The following WWP1 variants were observed in gnomAD, a reference collection of about 807,000 sequenced individuals.
WWP1 encodes NEDD4-like E3 ubiquitin-protein ligase WWP1.
WWP1 carries 49 observed loss-of-function variants against 130.6 expected under a neutral mutation model. The observed-to-expected ratio is 0.38, with a 90% CI of 0.30 to 0.48. The LOEUF (loss-of-function observed/expected upper bound fraction) is 0.48, where lower values mean the gene tolerates loss of function less well. Ranked by LOEUF, WWP1 falls within the 20% of genes least tolerant of loss-of-function variation. The pLI, the probability that WWP1 is intolerant of heterozygous loss-of-function variation, is 0.99. For synonymous variants in WWP1, 332 were observed against 367.8 expected (o/e 0.90, Z 1.11); for missense variants, 809 against 1,100.6 (o/e 0.74, Z 3.75).
At chr8:86,435,865 T>C (rs1810259688) in intron 16 of WWP1, among the ~76,000 whole-genome samples, 161 bp downstream of exon 16, 1 of 152,152 alleles carries the variant, frequency 6.6e-6, no homozygotes. Flanking sequence ...TGTTTTGTTT[T>C]GTTCTGTTTT....
rs1255156746 is a variant in WWP1 at position 86,448,455 on chromosome 8, C to G, written c.2215C>G (p.Leu739Val). ...EILGKVTSHD[L>V]KLGGSNILVT... ...TTTGGGAAAAGTTACTTCACATGAC[C>G]TGAAGTTGGGAGGTTCCAATATTCT... is the stretch of plus-strand genomic sequence containing the variant. The change falls in exon 20 of 25, where the codon CTG becomes GTG. Residue 739 changes from leucine (L) to valine (V), a missense_variant. By Grantham distance (32) the Leu-to-Val change is conservative. Coordinates refer to ENST00000517970, the MANE Select transcript of WWP1 (RefSeq NM_007013.4). The G allele has an allele frequency of 6.2e-7, 1 of 1,613,588 alleles. No homozygotes were observed.
At chr8:86,378,230 C>G (rs1473617120) in intron 3 of WWP1, among the ~76,000 whole-genome samples, 1 of 151,998 alleles carries the variant, frequency 6.6e-6, no homozygotes, top group East Asian at 1.9e-4. Flanking sequence ...CACTCAAAAC[C>G]AATCAGTTGG....
chr8:86,396,699 T>A (rs1807693761), intron 5 of WWP1, among the ~76,000 whole-genome samples: 1 of 151,850 alleles, frequency 6.6e-6, no homozygotes, highest in South Asian at 2.1e-4. Flanking sequence ...GCTTACAGGA[T>A]CCTCTCATCT....
chr8:86,389,206 G>A (rs1438576580), intron 5 of WWP1, among the ~76,000 whole-genome samples: 1 of 151,776 alleles, frequency 6.6e-6, no homozygotes, highest in Non-Finnish European at 1.5e-5. Flanking sequence ...TTCTCGGAGA[G>A]GGGGATTTGG....
intron 2 of WWP1, among the ~76,000 whole-genome samples, chr8:86,369,281 C>G (rs1266378090): frequency 3.9e-5 from 6 of 152,122 alleles, no homozygotes; most frequent in Non-Finnish European, 8.8e-5. Flanking sequence ...TGTCATACAA[C>G]TTTATTAAAT....
chr8:86,350,567 A>G (rs1055895750), intron 1 of WWP1, among the ~76,000 whole-genome samples: 3 of 152,204 alleles, frequency 2.0e-5, no homozygotes, highest in Non-Finnish European at 4.4e-5. Context: ...AACATGATTT[A>G]TAGAAATAGG....
intron 8 of WWP1, among the ~76,000 whole-genome samples, chr8:86,409,586 A>C (rs1007572599): frequency 6.6e-6 from 1 of 150,430 alleles, no homozygotes; most frequent in Admixed American, 6.6e-5. Context: ...TAGGCTGGGC[A>C]CAGTGGCTCA....
intron 22 of WWP1, among the ~76,000 whole-genome samples, chr8:86,460,862 T>G (rs1386745046): frequency 1.6e-5 from 2 of 127,544 alleles, no homozygotes; most frequent in Non-Finnish European, 3.2e-5. Context: ...CAGGCTGGAG[T>G]GCAGTGGCGT....
In WWP1 at chr8:86,411,743, A is replaced by G. The variant is rs757603124; in HGVS notation, c.930A>G (p.Ile310Met). The change falls in exon 9 of 25, where the codon ATA (isoleucine) becomes ATG (methionine). Residue 310 changes from isoleucine (I) to methionine (M), a missense_variant. Transcript: ENST00000517970. ...SAELESEARSILEPDTSNSRS... is the reference protein window; with the variant it reads ...SAELESEARSMLEPDTSNSRS... ...AATTGGAATCTGAAGCTAGAAGTAT[A>G]TTAGAGCCTGACACCTCTAATTCTA... 8.7e-6 allele frequency: 14 copies of G among 1,614,094 alleles called. No homozygotes were observed. The highest frequency in any genetic ancestry group is 1.7e-5 in the Admixed American group (1 of 60,006).
chr8:86,386,013 A>C (rs1038745064), intron 5 of WWP1, among the ~76,000 whole-genome samples: 3 of 152,184 alleles, frequency 2.0e-5, no homozygotes, highest in Non-Finnish European at 4.4e-5. Flanking sequence ...TCACTTTTCT[A>C]TAAGATCAAG....
At chr8:86,456,255 T>C (rs540065179) in intron 21 of WWP1, among the ~76,000 whole-genome samples, 1 of 151,906 alleles carries the variant, frequency 6.6e-6, no homozygotes, top group Admixed American at 6.6e-5. Flanking sequence ...GAAAGAAAAA[T>C]ATGGATACAT....
chr8:86,343,058 C>T (rs1195644346), intron 1 of WWP1, 128 bp downstream of exon 1: 8 of 292,844 alleles, frequency 2.7e-5, no homozygotes, highest in Non-Finnish European at 1.3e-5. Context: ...CTCCTAGGAC[C>T]CGTCGGGGGA....
Position 86,435,701 on chromosome 8 carries a change from A to G in WWP1, c.1746A>G (p.Gln582=), listed in dbSNP as rs1045694441. Residue 582 remains glutamine (Q), a synonymous_variant, in exon 16 of 25, where the codon CAA becomes CAG. Coordinates refer to ENST00000517970, the MANE Select transcript of WWP1 (RefSeq NM_007013.4). The part of the protein sequence containing the change: ...SRQTLFEDSF[Q]QIMALKPYDL... Reference sequence around the variant, plus strand: ...AGACATTGTTTGAAGATTCCTTCCAACAGGTAAGGAGGATTTTAGCAGAAT... The same window carrying G: ...AGACATTGTTTGAAGATTCCTTCCAGCAGGTAAGGAGGATTTTAGCAGAAT... The G allele has an allele frequency of 1.2e-6, 2 of 1,611,706 alleles. No individual in the cohort carries two copies. Among genetic ancestry groups the G allele is most frequent in the Admixed American group, 3.3e-5 (2 of 59,992 alleles).
Position 86,438,617 on chromosome 8 carries a change from G to A in WWP1, c.1782G>A (p.Arg594=), listed in dbSNP as rs779134007. ...CATTAAAACCCTATGACTTGAGGAG[G>A]CGCTTATATGTAATATTTAGAGGAG... is the stretch of plus-strand genomic sequence containing the variant. The part of the protein sequence containing the change: ...IMALKPYDLR[R]RLYVIFRGEE... Residue 594 remains arginine, a synonymous_variant, in exon 17 of 25, where the codon AGG becomes AGA. Coordinates refer to ENST00000517970, the MANE Select transcript of WWP1 (RefSeq NM_007013.4). 5 of 1,607,604 alleles carry A rather than the reference G, an allele frequency of 3.1e-6. No individual in the cohort carries two copies. The highest frequency in any genetic ancestry group is 4.2e-6 in the Non-Finnish European group (5 of 1,178,382).
intron 16 of WWP1, among the ~76,000 whole-genome samples, chr8:86,436,026 C>G (rs1485228765): frequency 6.6e-6 from 1 of 152,150 alleles, no homozygotes; most frequent in Non-Finnish European, 1.5e-5. Flanking sequence ...CATAGTTACA[C>G]TAAACCTTCC....
chr8:86,380,891 A>G lies in WWP1; in HGVS notation c.209+27A>G, dbSNP rs768514303. On this transcript the variant is annotated intron_variant, in intron 4 of 24. Coordinates refer to ENST00000517970, the MANE Select transcript of WWP1 (RefSeq NM_007013.4). ...TAAGTACCTTGTGTAAAGGACGGAAAATCTTCACAAGAAAGTGTATTTTTT... is the reference window on the plus strand; with the variant it reads ...TAAGTACCTTGTGTAAAGGACGGAAGATCTTCACAAGAAAGTGTATTTTTT... 3.0e-5 allele frequency: 47 copies of G among 1,552,924 alleles called. No individual in the cohort carries two copies. The African/African-American group carries it at 6.4e-4, about 21-fold the overall frequency.
intron 8 of WWP1, among the ~76,000 whole-genome samples, chr8:86,407,628 ATAT>A (rs1269251960): frequency 2.0e-5 from 3 of 152,194 alleles, no homozygotes; most frequent in Non-Finnish European, 2.9e-5. Context: ...CTCCAGTCAA[ATAT>A]TATTGTGGCA....
At chr8:86,438,404 C>CA (rs757945391) in intron 16 of WWP1, among the ~76,000 whole-genome samples, 181 bp from the exon 17 acceptor site, 30 of 152,216 alleles carry the variant, frequency 2.0e-4, no homozygotes, top group Admixed American at 8.5e-4. Context: ...AAAAGCTTAA[C>CA]AGATTGATAT....
At chr8:86,361,611 G>C (rs914183683) in intron 1 of WWP1, among the ~76,000 whole-genome samples, 2 of 152,000 alleles carry the variant, frequency 1.3e-5, no homozygotes, top group African/African-American at 4.8e-5. Flanking sequence ...ACCTGCTTAT[G>C]TTAGTCATCT....
Sources: gnomAD v4.1 joint callset for allele counts (sites outside exome capture counted in the v4.1 genomes callset) on GRCh38, gnomAD v4.1.1 for gene constraint, MANE v1.5 for transcripts, NCBI Gene and HGNC (gene_info 2026-07-23, HGNC 2026-07-21) for gene names.